Variants in ZNHIT3 observed in about 807,000 individuals in gnomAD.
ZNHIT3 encodes the protein zinc finger HIT domain-containing protein 3.
A neutral mutation model predicts 19.9 loss-of-function variants in ZNHIT3; 27 were observed. The ratio of observed to expected loss-of-function variants is 1.36; its 90% confidence interval spans 1.00 to 1.87. The LOEUF (loss-of-function observed/expected upper bound fraction) is 1.87, where lower values mean the gene tolerates loss of function less well. Among genes scored for constraint, ZNHIT3 ranks in the 40% most tolerant of loss-of-function variants. The pLI, the probability that ZNHIT3 is intolerant of heterozygous loss-of-function variation, is 0.00. For synonymous variants in ZNHIT3, 81 were observed against 65.7 expected (o/e 1.23, Z -1.13); for missense variants, 215 against 185.6 (o/e 1.16, Z -0.92).
rs544757929 is a variant in ZNHIT3, at chr17:36,488,206, C to T, written c.118+1240C>T. On this transcript the variant is annotated intron_variant, in intron 2 of 4. Transcript: ENST00000617429. ...TTAGAATCTCAGCAATGAGACTGTA[C>T]CCAACATCCTCATTTGAGTTTATAT... Among the ~76,000 whole-genome samples the T allele has an allele frequency of 4.6e-5, 7 of 151,436 alleles. 1 individual carries two copies. The highest frequency in any genetic ancestry group is 1.7e-4 in the African/African-American group (7 of 41,244).
chr17:36,493,897 T>C (rs2070789011), intron 3 of ZNHIT3, 29 bp from the exon 4 acceptor site: 2 of 1,540,808 alleles, frequency 1.3e-6, no homozygotes, highest in Non-Finnish European at 9.0e-7. Context: ...TTTTTAGCCA[T>C]GAGCCATTGA....
Position 36,488,230 on chromosome 17 carries a change from A to AT in ZNHIT3, c.118+1265dup, listed in dbSNP as rs371620725. ...ACCCAACATCCTCATTTGAGTTTAT[A>AT]TATTGGGCACTTTTTAAAACCTAGT... On this transcript the variant is annotated intron_variant, in intron 2 of 4. Transcript: ENST00000617429. Among the ~76,000 whole-genome samples the AT allele has an allele frequency of 7.7e-4, 116 of 151,554 alleles. 1 individual carries two copies. The highest frequency in any genetic ancestry group is 6.8e-3 in the Middle Eastern group (2 of 292).
At chr17:36,496,904 C>A (rs1022284786), downstream of ZNHIT3, among the ~76,000 whole-genome samples, 3 of 152,170 alleles carry the variant, frequency 2.0e-5, no homozygotes, top group Non-Finnish European at 2.9e-5. Context: ...TGGGGTTCTA[C>A]CTCCCAGTGC....
At position 36,495,421 on chromosome 17, in the gene ZNHIT3, G is replaced by C; in HGVS notation, c.*17G>C. The C allele has an allele frequency of 6.4e-7, 1 of 1,572,478 alleles. No individual in the cohort carries two copies. The highest frequency in any genetic ancestry group is 1.4e-5 in the African/African-American group (1 of 73,546). ...GAGTCTTAAGATGGATTATTGTGCTGCTTGCTCAAGCGTGTGCTTGACTCC... is the reference window on the plus strand; with the variant it reads ...GAGTCTTAAGATGGATTATTGTGCTCCTTGCTCAAGCGTGTGCTTGACTCC... On this transcript the variant is annotated 3_prime_UTR_variant, in exon 5 of 5. Coordinates refer to ENST00000617429, the MANE Select transcript of ZNHIT3 (RefSeq NM_004773.4).
chr17:36,488,067 C>T (rs572000422), intron 2 of ZNHIT3, among the ~76,000 whole-genome samples: 1 of 143,748 alleles, frequency 7.0e-6, no homozygotes, highest in South Asian at 2.2e-4. Flanking sequence ...CACTGCACTC[C>T]AGCCTGGGAG....
At chr17:36,492,575 A>C in intron 2 of ZNHIT3, 1 of 532,996 alleles carries the variant, frequency 1.9e-6, no homozygotes, top group East Asian at 3.1e-5. Flanking sequence ...TCGGCAGGGT[A>C]GGGAGGATGG....
At chr17:36,488,016 T>G (rs2070622081) in intron 2 of ZNHIT3, among the ~76,000 whole-genome samples, 1 of 148,408 alleles carries the variant, frequency 6.7e-6, no homozygotes, top group Non-Finnish European at 1.5e-5. Context: ...GAAGATCGCT[T>G]GAGCCTGGGA....
chr17:36,493,837 A>G (rs1403846392), intron 3 of ZNHIT3, 89 bp from the exon 4 acceptor site: 9 of 885,012 alleles, frequency 1.0e-5, no homozygotes, highest in African/African-American at 1.7e-5. Flanking sequence ...GTGCGTGCAC[A>G]CATTTTTATC....
Position 36,486,754 on chromosome 17 carries a change from A to G in ZNHIT3, c.55A>G (p.Lys19Glu), listed in dbSNP as rs1281538225. The G allele has an allele frequency of 3.7e-6, 6 of 1,613,694 alleles. No homozygotes were observed. Among genetic ancestry groups the G allele is most frequent in the African/African-American group, 1.3e-5 (1 of 74,966 alleles). Residue 19 changes from lysine (K) to glutamate (E), a missense_variant, in exon 1 of 5, where the codon AAA (lysine) becomes GAA (glutamate). Coordinates refer to ENST00000617429, the MANE Select transcript of ZNHIT3 (RefSeq NM_004773.4). ...VVCVICLEKP[K>E]YRCPACRVPY... ...CTGCGTGATCTGCTTGGAGAAGCCC[A>G]AATACCGCTGTCCAGCCTGCCGCGT...
chr17:36,499,189 A>G (rs1227347496), downstream of ZNHIT3: 4 of 1,558,106 alleles, frequency 2.6e-6, no homozygotes, highest in East Asian at 9.2e-5. Context: ...AACAGGAAAG[A>G]GATAATAAAG....
downstream of ZNHIT3, chr17:36,498,201 A>G: frequency 6.5e-7 from 1 of 1,540,788 alleles, no homozygotes; most frequent in East Asian, 2.3e-5. Flanking sequence ...CCCGCTGTGA[A>G]CTTGTAGGCT....
intron 2 of ZNHIT3, chr17:36,490,766 T>C (rs1304165496): frequency 6.6e-6 from 1 of 152,228 alleles, no homozygotes; most frequent in African/African-American, 2.4e-5. Flanking sequence ...AAAGTGGTAT[T>C]TAATAAATAA....
At chr17:36,496,076 C>A, downstream of ZNHIT3, 1 of 923,498 alleles carries the variant, frequency 1.1e-6, no homozygotes. Context: ...TAGCCTGGAA[C>A]CCCAGGCCCA....
At chr17:36,488,652 T>C (rs960013725) in intron 2 of ZNHIT3, among the ~76,000 whole-genome samples, 1 of 136,798 alleles carries the variant, frequency 7.3e-6, no homozygotes, top group Non-Finnish European at 1.7e-5. Context: ...GACCATTATT[T>C]ATATAAAGCC....
At chr17:36,494,129 C>T (rs1199227591) in intron 4 of ZNHIT3, 123 bp downstream of exon 4, 2 of 685,612 alleles carry the variant, frequency 2.9e-6, no homozygotes, top group East Asian at 2.7e-5. Flanking sequence ...ACTATCTAGC[C>T]ACATAATCTG....
At chr17:36,486,855 G>A (rs2070567402) in intron 1 of ZNHIT3, 70 bp downstream of exon 1, 2 of 1,596,128 alleles carry the variant, frequency 1.3e-6, no homozygotes, top group Non-Finnish European at 1.7e-6. Context: ...GAGGCCGGGA[G>A]GCCGGGCGGG....
chr17:36,492,616 C>G, intron 2 of ZNHIT3, 197 bp from the exon 3 acceptor site: 1 of 598,594 alleles, frequency 1.7e-6, no homozygotes, highest in Middle Eastern at 4.4e-4. Context: ...TGAATGAGTC[C>G]TGCTTTCTCA....
chr17:36,491,211 T>G (rs2070718865), intron 2 of ZNHIT3: 1 of 152,274 alleles, frequency 6.6e-6, no homozygotes, highest in South Asian at 2.1e-4. Context: ...GATACCGCTC[T>G]GTGGTATTCT....
chr17:36,499,123 C>A, downstream of ZNHIT3: 1 of 1,610,230 alleles, frequency 6.2e-7, no homozygotes, highest in Admixed American at 1.7e-5. Flanking sequence ...CTGCATGCAG[C>A]CTCTGGATGT....
Sources: allele counts gnomAD v4.1 joint callset (sites outside exome capture counted in the v4.1 genomes callset), GRCh38; gene constraint gnomAD v4.1.1; transcripts MANE v1.5; gene names NCBI Gene and HGNC (gene_info 2026-07-23, HGNC 2026-07-21).